Variants in SCAI observed in about 807,000 individuals in gnomAD.
SCAI encodes suppressor of cancer cell invasion.
In SCAI, 24 loss-of-function variants were observed where a neutral mutation model predicts 92.2. The observed-to-expected ratio is 0.26, with a 90% CI of 0.19 to 0.37. The LOEUF (loss-of-function observed/expected upper bound fraction) is 0.37, where lower values mean the gene tolerates loss of function less well. SCAI is among the 10% of genes least tolerant of loss of function. SCAI has a pLI of 1.00. For synonymous variants in SCAI, 261 were observed against 258.6 expected (o/e 1.01, Z -0.09); for missense variants, 450 against 736.2 (o/e 0.61, Z 4.50).
chr9:124,975,376 G>A (rs1368073031), intron 15 of SCAI: 1 of 456,514 alleles, frequency 2.2e-6, no homozygotes, highest in South Asian at 1.5e-5. Context: ...ATCTCCCACA[G>A]AGAGACATCA....
intron 9 of SCAI, among the ~76,000 whole-genome samples, chr9:125,004,741 A>T (rs1832440179): frequency 6.7e-5 from 1 of 14,988 alleles, no homozygotes; most frequent in Admixed American, 1.3e-3. Context: ...ATCCATATAT[A>T]TATATATATA....
At chr9:125,140,671 T>C (rs1835644697) in intron 2 of SCAI, among the ~76,000 whole-genome samples, 2 of 126,234 alleles carry the variant, frequency 1.6e-5, no homozygotes, top group South Asian at 5.0e-4. Flanking sequence ...CTGGGCAACA[T>C]GGCCAAACCT....
intron 14 of SCAI, among the ~76,000 whole-genome samples, chr9:124,984,458 T>C (rs1326762211): frequency 1.3e-5 from 2 of 152,278 alleles, no homozygotes; most frequent in South Asian, 2.1e-4. Context: ...ACTGCAGTAA[T>C]TCAGGTGAAT....
Position 124,946,336 on chromosome 9 carries a change from A to C in SCAI, c.*6471T>G, listed in dbSNP as rs1017572510. 3.3e-5 allele frequency: 5 copies of C among 152,210 alleles called. No homozygotes were observed. The highest frequency in any genetic ancestry group is 1.2e-4 in the African/African-American group (5 of 41,458). The allele number at this position is 152,210 out of a possible 1,614,324, so 9.4% of individuals were successfully genotyped here. The stretch of plus-strand genomic sequence containing the variant: ...ATACTATAATTGAAAAGTCTTATGA[A>C]TAGTTGGCTGTTTTATTTAAAATAT... On this transcript the variant is annotated 3_prime_UTR_variant, in exon 18 of 18. Coordinates refer to ENST00000336505, the MANE Select transcript of SCAI (RefSeq NM_001144877.3). The surrounding 1 kb of genome is among the most constrained non-coding windows in gnomAD (Gnocchi z 4.0).
At chr9:125,102,603 CT>C (rs71878415) in intron 2 of SCAI, among the ~76,000 whole-genome samples, 19,929 of 148,090 alleles carry the variant, frequency 0.13, 1,389 homozygotes, top group East Asian at 0.23. Context: ...AACAAACCCA[CT>C]TTTTTTTTTT....
chr9:125,129,889 TTTTTC>T (rs1224906293), intron 2 of SCAI, among the ~76,000 whole-genome samples: 7 of 151,622 alleles, frequency 4.6e-5, no homozygotes, highest in Admixed American at 2.0e-4. Flanking sequence ...TATGCTGCAG[TTTTTC>T]TTTTCTTTTC....
chr9:124,955,011 C>G lies in SCAI; in HGVS notation c.1675-2058G>C, dbSNP rs1194238444. ...TGAAACCTCATCTCTACTAAAAATA[C>G]AAAAAATTAGCTGGGTGTGGTGGTG... On this transcript the variant is annotated intron_variant, in intron 17 of 17. Coordinates refer to ENST00000336505, the MANE Select transcript of SCAI (RefSeq NM_001144877.3). Among the ~76,000 whole-genome samples the G allele has an allele frequency of 5.3e-5, 8 of 151,790 alleles. No homozygotes were observed. The East Asian group carries it at 1.2e-3, about 22-fold the overall frequency.
intron 2 of SCAI, among the ~76,000 whole-genome samples, chr9:125,057,977 C>T (rs1276295569): frequency 6.6e-6 from 1 of 151,908 alleles, no homozygotes; most frequent in Admixed American, 6.6e-5. Context: ...GCCTACTCAG[C>T]TACCTCAGAT....
intron 9 of SCAI, among the ~76,000 whole-genome samples, chr9:125,012,717 T>A (rs933195997): frequency 3.9e-5 from 6 of 152,020 alleles, no homozygotes; most frequent in African/African-American, 9.7e-5. Context: ...CCAAATCAAC[T>A]GAATATACAT....
At chr9:125,080,078 G>A (rs1022107444) in intron 2 of SCAI, among the ~76,000 whole-genome samples, 2 of 152,098 alleles carry the variant, frequency 1.3e-5, no homozygotes, top group African/African-American at 4.8e-5. Context: ...CAGTTCCTTG[G>A]ATCCTTAGTC....
chr9:124,993,446 C>T (rs998614564), intron 14 of SCAI, among the ~76,000 whole-genome samples: 4 of 152,076 alleles, frequency 2.6e-5, no homozygotes, highest in East Asian at 3.9e-4. Context: ...AAAAATTAGC[C>T]GGGCATAGTG....
Position 124,950,714 on chromosome 9 carries a change from T to G in SCAI, c.*2093A>C, listed in dbSNP as rs1831222824. The stretch of plus-strand genomic sequence containing the variant: ...CTTTCCAGGGTAACTTTTCCCAAGC[T>G]TTCTGAAATACTGTTTGAAAGAACA... On this transcript the variant is annotated 3_prime_UTR_variant, in exon 18 of 18. Coordinates refer to ENST00000336505, the MANE Select transcript of SCAI (RefSeq NM_001144877.3). 1 of 152,026 alleles carries G rather than the reference T, an allele frequency of 6.6e-6. No individual in the cohort carries two copies. The highest frequency in any genetic ancestry group is 2.1e-4 in the South Asian group (1 of 4,818). 9.4% of individuals were successfully genotyped at this position (152,026 alleles called of 1,614,324 possible).
intron 14 of SCAI, among the ~76,000 whole-genome samples, chr9:124,983,162 T>TAAA (rs144047566): frequency 1.4e-5 from 2 of 138,710 alleles, no homozygotes; most frequent in African/African-American, 2.7e-5. Flanking sequence ...ACCTGTCTCT[T>TAAA]AAAAAAAAAA....
chr9:125,030,454 G>C (rs1172933143), intron 3 of SCAI, among the ~76,000 whole-genome samples: 1 of 152,190 alleles, frequency 6.6e-6, no homozygotes, highest in African/African-American at 2.4e-5. Context: ...CAAAACCACA[G>C]ACAACTTGTA....
At chr9:125,074,075 C>A (rs929553393) in intron 2 of SCAI, among the ~76,000 whole-genome samples, 4 of 151,404 alleles carry the variant, frequency 2.6e-5, no homozygotes, top group African/African-American at 9.7e-5. Context: ...CTGGCTAACA[C>A]GGTGAAACCC....
intron 2 of SCAI, among the ~76,000 whole-genome samples, chr9:125,078,421 G>A (rs1008881340): frequency 6.6e-5 from 10 of 151,976 alleles, no homozygotes; most frequent in Admixed American, 3.3e-4. Context: ...CCAGCTACTC[G>A]GGAGGCTGAG....
chr9:124,993,632 A>G (rs764195771), intron 14 of SCAI, among the ~76,000 whole-genome samples: 3 of 152,166 alleles, frequency 2.0e-5, no homozygotes, highest in Non-Finnish European at 2.9e-5. Flanking sequence ...TTTCCTAAAA[A>G]TCAGAAGTTG....
intron 2 of SCAI, among the ~76,000 whole-genome samples, chr9:125,128,007 C>CAA (rs371348694): frequency 0.11 from 15,015 of 134,416 alleles, 977 homozygotes; most frequent in Admixed American, 0.18. Context: ...GACTGCATCT[C>CAA]AAAAAAAAAA....
chr9:125,104,904 G>A (rs1183978697), intron 2 of SCAI, among the ~76,000 whole-genome samples: 1 of 151,148 alleles, frequency 6.6e-6, no homozygotes, highest in Non-Finnish European at 1.5e-5. Context: ...GTTCCAGTGA[G>A]CTGAGATAAT....
Sources: allele counts gnomAD v4.1 joint callset (sites outside exome capture counted in the v4.1 genomes callset), GRCh38; gene constraint gnomAD v4.1.1; non-coding constraint Gnocchi (gnomAD v3.1); transcripts MANE v1.5; gene names NCBI Gene and HGNC (gene_info 2026-07-23, HGNC 2026-07-21).